Variants in DPY19L1 observed in about 807,000 individuals in gnomAD.
DPY19L1 encodes the protein dpy-19 like C-mannosyltransferase 1.
DPY19L1 carries 35 observed loss-of-function variants against 96.9 expected under a neutral mutation model. That is an observed-to-expected ratio of 0.36 (90% CI 0.28 to 0.48). The LOEUF is 0.48. Ranked by LOEUF, DPY19L1 falls within the 20% of genes least tolerant of loss-of-function variation. The pLI, the probability that DPY19L1 is intolerant of heterozygous loss-of-function variation, is 0.99. For missense variants in DPY19L1, 521 were observed against 777.9 expected (o/e 0.67, Z 3.93); for synonymous variants, 205 against 252.6 (o/e 0.81, Z 1.79).
chr7:35,007,609 G>GTGTA (rs1554360625), intron 6 of DPY19L1, among the ~76,000 whole-genome samples: 5 of 98,132 alleles, frequency 5.1e-5, no homozygotes, highest in Non-Finnish European at 1.0e-4. Context: ...GTGTGTGTGT[G>GTGTA]TATATATATA....
intron 21 of DPY19L1, among the ~76,000 whole-genome samples, chr7:34,933,644 G>A (rs186972399): frequency 1.6e-3 from 246 of 152,320 alleles, no homozygotes; most frequent in African/African-American, 5.7e-3. Flanking sequence ...ATAAAAGCAG[G>A]CAAAAGAATT....
At chr7:34,994,268 G>T (rs1180185310) in intron 6 of DPY19L1, among the ~76,000 whole-genome samples, 1 of 151,904 alleles carries the variant, frequency 6.6e-6, no homozygotes, top group African/African-American at 2.4e-5. Context: ...ACTATACAGA[G>T]ATTACACATC....
At chr7:35,037,827 G>A (rs1366630928), upstream of DPY19L1, 22 of 1,229,564 alleles carry the variant, frequency 1.8e-5, 1 homozygote, top group South Asian at 7.8e-4. Context: ...CCTCTTCGGC[G>A]CCCGCGCGGG....
chr7:35,007,077 G>A (rs950868362), intron 6 of DPY19L1, among the ~76,000 whole-genome samples: 1 of 151,822 alleles, frequency 6.6e-6, no homozygotes, highest in Admixed American at 6.6e-5. Context: ...AACCATCAAG[G>A]AAGAAAATAT....
At chr7:34,984,713 G>GTAAAACA (rs1262647912) in intron 7 of DPY19L1, among the ~76,000 whole-genome samples, 2 of 152,142 alleles carry the variant, frequency 1.3e-5, no homozygotes, top group African/African-American at 4.8e-5. Context: ...CCAAATTCAT[G>GTAAAACA]TAAAACATAA....
intron 7 of DPY19L1, among the ~76,000 whole-genome samples, chr7:34,984,167 A>T (rs371719115): frequency 6.6e-6 from 1 of 152,218 alleles, no homozygotes; most frequent in Admixed American, 6.5e-5. Context: ...TTATTGGCAG[A>T]TCTTTATCAC....
At chr7:34,995,139 T>A (rs573984078) in intron 6 of DPY19L1, among the ~76,000 whole-genome samples, 7 of 152,174 alleles carry the variant, frequency 4.6e-5, no homozygotes, top group Non-Finnish European at 1.0e-4. Context: ...TGTGAAATGA[T>A]GTGACTTGAA....
intron 6 of DPY19L1, among the ~76,000 whole-genome samples, chr7:35,007,858 C>G (rs1181581976): frequency 6.6e-6 from 1 of 152,044 alleles, no homozygotes; most frequent in Non-Finnish European, 1.5e-5. Flanking sequence ...GATCATACTT[C>G]AGCTTGAATC....
At chr7:34,993,104 T>C (rs1207226768) in intron 6 of DPY19L1, among the ~76,000 whole-genome samples, 3 of 152,252 alleles carry the variant, frequency 2.0e-5, no homozygotes, top group Non-Finnish European at 4.4e-5. Flanking sequence ...AGTATTCTGA[T>C]CTAATTTGCG....
chr7:34,930,772 T>C lies in DPY19L1; in HGVS notation c.*801A>G, dbSNP rs1188719882. Reference sequence around the variant, plus strand: ...ATAAACATTTGAATAATGCTAAAAATGAGAAAAATACAGTTACCATTAATT... The same window carrying C: ...ATAAACATTTGAATAATGCTAAAAACGAGAAAAATACAGTTACCATTAATT... On this transcript the variant is annotated 3_prime_UTR_variant, in exon 22 of 22. Coordinates refer to ENST00000638088, the MANE Select transcript of DPY19L1 (RefSeq NM_001366673.1). The C allele has an allele frequency of 1.3e-5, 2 of 152,060 alleles. No individual in the cohort carries two copies. Among genetic ancestry groups the C allele is most frequent in the African/African-American group, 4.8e-5 (2 of 41,416 alleles). 9.4% of individuals were successfully genotyped at this position (152,060 alleles called of 1,614,324 possible).
chr7:34,980,026 T>G (rs1784906875), intron 7 of DPY19L1, among the ~76,000 whole-genome samples: 1 of 152,132 alleles, frequency 6.6e-6, no homozygotes, highest in Non-Finnish European at 1.5e-5. Context: ...GCTACAATAT[T>G]TAAGGCAGTG....
chr7:34,953,224 T>C (rs1185968531), intron 13 of DPY19L1, among the ~76,000 whole-genome samples: 6 of 152,178 alleles, frequency 3.9e-5, no homozygotes, highest in Admixed American at 3.9e-4. Context: ...CCAATGCCCT[T>C]AATCAACGTT....
At chr7:34,973,263 CAGG>C (rs149987476) in intron 8 of DPY19L1, among the ~76,000 whole-genome samples, 8,065 of 152,094 alleles carry the variant, frequency 0.053, 630 homozygotes, top group African/African-American at 0.17. Flanking sequence ...GTGGAAATGA[CAGG>C]AGAAGTGAAA....
chr7:34,945,873 T>C (rs1420419781), intron 15 of DPY19L1, among the ~76,000 whole-genome samples, 157 bp from the exon 16 acceptor site: 3 of 152,236 alleles, frequency 2.0e-5, no homozygotes, highest in Admixed American at 6.5e-5. Context: ...CTTATATTTG[T>C]ATAGTATCTG....
intron 9 of DPY19L1, among the ~76,000 whole-genome samples, chr7:34,968,471 T>C (rs1188250010): frequency 1.3e-5 from 2 of 152,134 alleles, no homozygotes; most frequent in African/African-American, 4.8e-5. Flanking sequence ...CAAGATGTTC[T>C]AAAAAATATT....
rs1253185644 is a variant in DPY19L1 at position 34,954,602 on chromosome 7, AATTTC to A, written c.1320+91_1320+95del. The A allele has an allele frequency of 2.3e-5, 15 of 656,946 alleles. No homozygotes were observed. The Admixed American group carries it at 3.6e-4, about 16-fold the overall frequency. The allele number at this position is 656,946 out of a possible 1,614,324, so 40.7% of individuals were successfully genotyped here. A position where few individuals can be genotyped will look rare whatever the true frequency, so the allele number is the denominator to read the frequency against. On this transcript the variant is annotated intron_variant, in intron 13 of 21. Coordinates refer to ENST00000638088, the MANE Select transcript of DPY19L1 (RefSeq NM_001366673.1). Reference sequence around the variant, plus strand: ...AATAGGTGAACAGACTTCATCCTAGAATTTCATTTAATAGTGATACTTGAATAACT... The same window carrying A: ...AATAGGTGAACAGACTTCATCCTAGAATTTAATAGTGATACTTGAATAACT...
At chr7:34,936,350 T>C (rs1202322496) in intron 21 of DPY19L1, among the ~76,000 whole-genome samples, 1 of 152,090 alleles carries the variant, frequency 6.6e-6, no homozygotes, top group East Asian at 1.9e-4. Flanking sequence ...CTTTCACATA[T>C]TCAAACTCTA....
intron 9 of DPY19L1, among the ~76,000 whole-genome samples, chr7:34,968,561 G>C (rs1031293666): frequency 6.6e-6 from 1 of 151,952 alleles, no homozygotes; most frequent in African/African-American, 2.4e-5. Flanking sequence ...ACGAAGTCAG[G>C]AGATTGAGAT....
At chr7:35,014,970 G>A (rs776689997) in intron 3 of DPY19L1, among the ~76,000 whole-genome samples, 1 of 152,144 alleles carries the variant, frequency 6.6e-6, no homozygotes, top group Non-Finnish European at 1.5e-5. Context: ...ACCACCAGAG[G>A]CTGAGAAGAG....
Sources: gnomAD v4.1 joint callset for allele counts (sites outside exome capture counted in the v4.1 genomes callset) on GRCh38, gnomAD v4.1.1 for gene constraint, MANE v1.5 for transcripts, NCBI Gene and HGNC (gene_info 2026-07-23, HGNC 2026-07-21) for gene names.